Variants in AHI1 observed in about 807,000 individuals in gnomAD.
AHI1 encodes the protein jouberin.
In AHI1, 123 loss-of-function variants were observed where a neutral mutation model predicts 149.3. The observed-to-expected ratio is 0.82, with a 90% CI of 0.71 to 0.96. The LOEUF (loss-of-function observed/expected upper bound fraction) is 0.96, where lower values mean the gene tolerates loss of function less well. Ranked by LOEUF, AHI1 falls within the 40% of genes least tolerant of loss-of-function variation. The pLI is 0.00. For synonymous variants in AHI1, 475 were observed against 459.8 expected, an observed-to-expected ratio of 1.03 and a Z score of -0.42; for missense variants, 1,439 against 1,422.7, an observed-to-expected ratio of 1.01 and a Z score of -0.18.
intron 27 of AHI1, among the ~76,000 whole-genome samples, chr6:135,293,387 C>T (rs1329657923): frequency 6.6e-5 from 4 of 60,726 alleles, no homozygotes; most frequent in Admixed American, 2.6e-4. Flanking sequence ...CCAGTGTTAA[C>T]AGGGCAAAAA....
chr6:135,294,482 C>G (rs897611633), intron 27 of AHI1, among the ~76,000 whole-genome samples: 1 of 151,888 alleles, frequency 6.6e-6, no homozygotes, highest in East Asian at 1.9e-4. Flanking sequence ...GCACTCCAGC[C>G]TGGATGACAA....
intron 13 of AHI1, among the ~76,000 whole-genome samples, chr6:135,444,573 T>A (rs1786860504): frequency 6.6e-6 from 1 of 152,218 alleles, no homozygotes; most frequent in Non-Finnish European, 1.5e-5. Context: ...GCTCCACTGT[T>A]GAATGAGCCC....
chr6:135,364,344 A>C (rs1348199893), intron 23 of AHI1, among the ~76,000 whole-genome samples: 5 of 139,282 alleles, frequency 3.6e-5, no homozygotes, highest in East Asian at 4.4e-4. Flanking sequence ...GGCGGCCGGG[A>C]AGAGGCGCTC....
intron 23 of AHI1, among the ~76,000 whole-genome samples, chr6:135,377,594 C>T (rs1298094487): frequency 6.6e-6 from 1 of 151,992 alleles, no homozygotes; most frequent in African/African-American, 2.4e-5. Flanking sequence ...GATGCTTCCA[C>T]CTCAGCCACC....
At chr6:135,497,461 T>A (rs1796131587) in intron 1 of AHI1, 122 bp downstream of exon 1, 1 of 152,464 alleles carries the variant, frequency 6.6e-6, no homozygotes, top group Admixed American at 6.5e-5. Context: ...CGTCGGTCAC[T>A]ACGCTATCAG....
Position 135,463,123 on chromosome 6 carries a change from A to G in AHI1, c.931+2T>C. The G allele has an allele frequency of 6.4e-7, 1 of 1,564,688 alleles. No homozygotes were observed. Among genetic ancestry groups the G allele is most frequent in the Admixed American group, 1.8e-5 (1 of 54,714 alleles). ...ATTTTTCATTTAATTTGTATAGCAA[A>G]CCTGCTTTAGTCTTCTTTTTTGTTT... On this transcript the variant is annotated splice_donor_variant, in intron 8 of 28. Coordinates refer to ENST00000265602, the MANE Select transcript of AHI1 (RefSeq NM_001134831.2). LOFTEE classifies it high-confidence loss of function.
rs1431603911 is a variant in AHI1 at position 135,495,834 on chromosome 6, G to C, written c.-75C>G. ...CTTACTGATGTGTGGCCTTGGGCAA[G>C]CTACTTAATTTCTAATCCTTGGTTT... On this transcript the variant is annotated 5_prime_UTR_variant, in exon 3 of 29. Coordinates refer to ENST00000265602, the MANE Select transcript of AHI1 (RefSeq NM_001134831.2). 1 of 152,192 alleles carries C rather than the reference G, an allele frequency of 6.6e-6. No homozygotes were observed. The highest frequency in any genetic ancestry group is 2.4e-5 in the African/African-American group (1 of 41,452). The allele number at this position is 152,192 out of a possible 1,614,324, so 9.4% of individuals were successfully genotyped here.
intron 24 of AHI1, among the ~76,000 whole-genome samples, chr6:135,336,917 T>C (rs1789480736): frequency 1.3e-5 from 2 of 152,224 alleles, no homozygotes; most frequent in Admixed American, 1.3e-4. Context: ...CACACACACA[T>C]ACACATATAT....
At chr6:135,310,182 A>C (rs1785004161) in intron 26 of AHI1, among the ~76,000 whole-genome samples, 2 of 152,228 alleles carry the variant, frequency 1.3e-5, no homozygotes, top group African/African-American at 4.8e-5. Flanking sequence ...AATAAATCAT[A>C]TTATTCCTAT....
intron 23 of AHI1, among the ~76,000 whole-genome samples, chr6:135,366,359 T>C (rs1456681728): frequency 2.0e-5 from 3 of 152,190 alleles, no homozygotes; most frequent in Non-Finnish European, 4.4e-5. Context: ...TCAGGAGGAT[T>C]GGTAACAATT....
chr6:135,356,137 C>T (rs1471983925), intron 24 of AHI1, among the ~76,000 whole-genome samples: 1 of 152,142 alleles, frequency 6.6e-6, no homozygotes, highest in Non-Finnish European at 1.5e-5. Flanking sequence ...AGGGTCCCAG[C>T]CTCAGCTATT....
chr6:135,325,483 C>G (rs915895630), intron 24 of AHI1, among the ~76,000 whole-genome samples: 3 of 152,228 alleles, frequency 2.0e-5, no homozygotes, highest in Non-Finnish European at 4.4e-5. Context: ...TCACCATGTT[C>G]TCGATACCAT....
intron 26 of AHI1, among the ~76,000 whole-genome samples, chr6:135,311,315 A>T (rs1360709097): frequency 6.6e-6 from 1 of 151,964 alleles, no homozygotes; most frequent in African/African-American, 2.4e-5. Context: ...AAAAAAAAAA[A>T]AAAAAAAGAT....
At chr6:135,418,788 T>C (rs962720082) in intron 20 of AHI1, among the ~76,000 whole-genome samples, 3 of 152,088 alleles carry the variant, frequency 2.0e-5, no homozygotes, top group Admixed American at 6.6e-5. Context: ...TATATGGTCA[T>C]CTTACTGGAT....
intron 28 of AHI1, among the ~76,000 whole-genome samples, chr6:135,289,504 A>G (rs569719155): frequency 6.6e-6 from 1 of 152,074 alleles, no homozygotes; most frequent in South Asian, 2.1e-4. Flanking sequence ...AACAACAACA[A>G]CAACAAAAAA....
chr6:135,327,897 T>C (rs1346987956), intron 24 of AHI1, among the ~76,000 whole-genome samples: 2 of 152,168 alleles, frequency 1.3e-5, no homozygotes, highest in Admixed American at 6.5e-5. Flanking sequence ...CCTTCATAGA[T>C]CGCTCTACGT....
chr6:135,320,218 C>G (rs1333263447), intron 25 of AHI1, among the ~76,000 whole-genome samples: 1 of 151,696 alleles, frequency 6.6e-6, no homozygotes, highest in Non-Finnish European at 1.5e-5. Context: ...GCAGATTTTT[C>G]TAAGTTTTTT....
rs143174610 is a variant in AHI1, at chr6:135,330,220, A to G, written c.3166-6896T>C. 2.4e-3 allele frequency among the ~76,000 whole-genome samples: 370 copies of G among 152,318 alleles called. 4 individuals carry two copies. The highest frequency in any genetic ancestry group is 8.3e-3 in the African/African-American group (347 of 41,566). On this transcript the variant is annotated intron_variant, in intron 24 of 28. Transcript: ENST00000265602. ...GTAAAATGCTATCAGACAGCACTAC[A>G]TGCTACAGAGAAATCTTTTGTGAAA...
intron 10 of AHI1, among the ~76,000 whole-genome samples, chr6:135,455,337 A>G (rs1043027203): frequency 6.6e-6 from 1 of 152,170 alleles, no homozygotes; most frequent in African/African-American, 2.4e-5. Context: ...ATCTGTGTAC[A>G]TTTATCTTTA....
Sources: allele counts gnomAD v4.1 joint callset (sites outside exome capture counted in the v4.1 genomes callset), GRCh38; gene constraint gnomAD v4.1.1; transcripts MANE v1.5; gene names NCBI Gene and HGNC (gene_info 2026-07-23, HGNC 2026-07-21).